The following PKHD1 variants were observed in gnomAD, a reference collection of about 807,000 sequenced individuals.
PKHD1 encodes the protein PKHD1 ciliary IPT domain containing fibrocystin/polyductin, also known as fibrocystin.
PKHD1 carries 291 observed loss-of-function variants against 412.0 expected under a neutral mutation model. The observed-to-expected ratio is 0.71, with a 90% confidence interval of 0.64 to 0.78. The LOEUF (loss-of-function observed/expected upper bound fraction) is 0.78, where lower values mean the gene tolerates loss of function less well. Among genes scored for constraint, PKHD1 ranks in the 30% least tolerant of loss-of-function variants. The pLI, the probability that PKHD1 is intolerant of heterozygous loss-of-function variation, is 0.00. For synonymous variants in PKHD1, 1,777 were observed against 1,821.5 expected (o/e 0.98, Z 0.62); for missense variants, 4,825 against 4,950.7 (o/e 0.97, Z 0.76).
chr6:52,009,162 T>A (rs1172629992), intron 35 of PKHD1, among the ~76,000 whole-genome samples: 1 of 152,034 alleles, frequency 6.6e-6, no homozygotes, highest in East Asian at 1.9e-4. Context: ...GAGGTGTTTG[T>A]GGGGGACACG....
Position 52,076,269 on chromosome 6 carries a change from T to G in PKHD1, c.448+7A>C. ...AATTATTCCTATTTTAATAGAAGAT[T>G]TCTTACCTGGAACACCACTTGGTGG... On this transcript the variant is annotated splice_region_variant and intron_variant, in intron 6 of 66. Coordinates refer to ENST00000371117, the MANE Select transcript of PKHD1 (RefSeq NM_138694.4). 6.3e-7 allele frequency: 1 copy of G among 1,596,196 alleles called. No homozygotes were observed. The highest frequency in any genetic ancestry group is 8.6e-7 in the Non-Finnish European group (1 of 1,163,710).
chr6:51,648,982 G>A, intron 62 of PKHD1, 103 bp downstream of exon 62: 1 of 1,127,652 alleles, frequency 8.9e-7, no homozygotes. Flanking sequence ...CACCCAGTGG[G>A]CACTCTGTAA....
In PKHD1 at chr6:51,909,446, C is replaced by T. The variant is rs754054676; in HGVS notation, c.6519G>A (p.Met2173Ile). 1 of 1,613,356 alleles carries T rather than the reference C, an allele frequency of 6.2e-7. No individual in the cohort carries two copies. Among genetic ancestry groups the T allele is most frequent in the Non-Finnish European group, 8.5e-7 (1 of 1,179,500 alleles). The stretch of plus-strand genomic sequence containing the variant: ...CCCTGGATCCTAGCATCTTCTCACT[C>T]ATGGAATACAAACAGTGCTGCAGAT... ...EGNLQHCLYSMSEKMLGSRDM... is the reference protein window; with the variant it reads ...EGNLQHCLYSISEKMLGSRDM... The change falls in exon 40 of 67, where the codon ATG becomes ATA. Residue 2173 changes from methionine to isoleucine, a missense_variant. Physicochemically the swap from Met to Ile is conservative, Grantham distance 10. Transcript: ENST00000371117.
chr6:51,843,013 T>C (rs1447207914), intron 50 of PKHD1, among the ~76,000 whole-genome samples: 1 of 152,232 alleles, frequency 6.6e-6, no homozygotes, highest in East Asian at 1.9e-4. Flanking sequence ...CCAAGCAGCT[T>C]TTCCTCCTTT....
intron 33 of PKHD1, among the ~76,000 whole-genome samples, chr6:52,020,594 C>A (rs1801252424): frequency 5.9e-5 from 9 of 152,170 alleles, no homozygotes. Context: ...AAGCACACTT[C>A]CAGAACTGCT....
intron 27 of PKHD1, among the ~76,000 whole-genome samples, chr6:52,042,156 A>T (rs557263877): frequency 3.9e-4 from 60 of 152,306 alleles, no homozygotes; most frequent in African/African-American, 1.4e-3. Flanking sequence ...TTATGTGCAG[A>T]AACAAGGTGG....
Position 51,911,779 on chromosome 6 carries a change from C to G in PKHD1, c.6490+20G>C, listed in dbSNP as rs1262299355. 6.2e-7 allele frequency: 1 copy of G among 1,606,066 alleles called. No homozygotes were observed. The highest frequency in any genetic ancestry group is 1.3e-5 in the African/African-American group (1 of 74,796). On this transcript the variant is annotated intron_variant, in intron 39 of 66. Transcript: ENST00000371117. The stretch of plus-strand genomic sequence containing the variant: ...TATTCTTTTTTGCTCATTAGACTTT[C>G]CAACAAAACACTCTTCTACCTTCTG...
At chr6:51,815,169 A>G (rs1036467214) in intron 52 of PKHD1, among the ~76,000 whole-genome samples, 4 of 152,248 alleles carry the variant, frequency 2.6e-5, no homozygotes, top group Non-Finnish European at 4.4e-5. Flanking sequence ...CAGTGACTGC[A>G]TCTCACTCTT....
chr6:51,993,728 A>G (rs1797329283), intron 35 of PKHD1, among the ~76,000 whole-genome samples: 1 of 152,188 alleles, frequency 6.6e-6, no homozygotes, highest in Non-Finnish European at 1.5e-5. Flanking sequence ...TCCTGCCTCA[A>G]CTCTGACAAA....
At chr6:51,732,013 G>A (rs1582338262) in intron 60 of PKHD1, among the ~76,000 whole-genome samples, 1 of 152,076 alleles carries the variant, frequency 6.6e-6, no homozygotes, top group East Asian at 1.9e-4. Context: ...AATTGACATG[G>A]CATAACAGTA....
chr6:52,033,111 C>T lies in PKHD1; in HGVS notation c.3283G>A (p.Val1095Ile). 1 of 1,610,864 alleles carries T rather than the reference C, an allele frequency of 6.2e-7. No homozygotes were observed. Among genetic ancestry groups the T allele is most frequent in the Non-Finnish European group, 8.5e-7 (1 of 1,177,074 alleles). ...VTVIRGDYSA[V>I]LPRAFTYVSS... Reference sequence around the variant, plus strand: ...ACATATGTAAATGCTCTGGGAAGAACTGCAGAATAGTCCCCTCTGATCACA... The same window carrying T: ...ACATATGTAAATGCTCTGGGAAGAATTGCAGAATAGTCCCCTCTGATCACA... The change falls in exon 29 of 67, where the codon GTT becomes ATT. Residue 1095 changes from valine (V) to isoleucine (I), a missense_variant. Transcript: ENST00000371117.
At chr6:51,761,657 TC>T (rs1452112292) in intron 55 of PKHD1, among the ~76,000 whole-genome samples, 1 of 152,024 alleles carries the variant, frequency 6.6e-6, no homozygotes, top group Non-Finnish European at 1.5e-5. Flanking sequence ...ATTTAGCCAA[TC>T]CACAATGCAA....
At chr6:51,915,918 G>A (rs1456518881) in intron 37 of PKHD1, among the ~76,000 whole-genome samples, 4 of 152,116 alleles carry the variant, frequency 2.6e-5, no homozygotes, top group Non-Finnish European at 4.4e-5. Flanking sequence ...AAGGTTTTGT[G>A]AGAGTTGGGG....
At chr6:51,850,393 T>C (rs1583025817) in intron 49 of PKHD1, among the ~76,000 whole-genome samples, 1 of 152,230 alleles carries the variant, frequency 6.6e-6, no homozygotes, top group Non-Finnish European at 1.5e-5. Flanking sequence ...TTCGATTCCA[T>C]GTGAAATTTA....
intron 21 of PKHD1, among the ~76,000 whole-genome samples, chr6:52,051,901 T>C (rs1331473627): frequency 1.5e-5 from 2 of 136,546 alleles, no homozygotes; most frequent in Non-Finnish European, 3.3e-5. Flanking sequence ...ATTTTCTAAG[T>C]GTGCCAGAGC....
intron 60 of PKHD1, among the ~76,000 whole-genome samples, chr6:51,701,763 C>A (rs1779423480): frequency 6.6e-6 from 1 of 151,840 alleles, no homozygotes; most frequent in African/African-American, 2.4e-5. Context: ...AATTTTTTCT[C>A]CAACTTTATA....
intron 45 of PKHD1, among the ~76,000 whole-genome samples, chr6:51,885,335 G>C (rs1778040743): frequency 6.6e-6 from 1 of 152,150 alleles, no homozygotes; most frequent in African/African-American, 2.4e-5. Context: ...TCTAAAGTAA[G>C]AGTGGTATCT....
intron 35 of PKHD1, among the ~76,000 whole-genome samples, chr6:51,987,184 C>A (rs1562065407): frequency 6.6e-6 from 1 of 152,248 alleles, no homozygotes; most frequent in Non-Finnish European, 1.5e-5. Context: ...TTCTCACTCA[C>A]TTCAATACCC....
intron 52 of PKHD1, among the ~76,000 whole-genome samples, chr6:51,822,412 T>TCCTG (rs1766593665): frequency 6.6e-6 from 1 of 152,160 alleles, no homozygotes; most frequent in Admixed American, 6.6e-5. Context: ...ATTGCTCCTT[T>TCCTG]CCTGCCTTGC....
Sources: allele counts gnomAD v4.1 joint callset (sites outside exome capture counted in the v4.1 genomes callset), GRCh38; gene constraint gnomAD v4.1.1; transcripts MANE v1.5; gene names NCBI Gene and HGNC (gene_info 2026-07-23, HGNC 2026-07-21).